Variants in MYCBP2 observed in about 807,000 individuals in gnomAD.
MYCBP2 encodes MYC binding protein 2.
In MYCBP2, 120 loss-of-function variants were observed where a neutral mutation model predicts 525.3. The observed-to-expected ratio is 0.23, with a 90% CI of 0.20 to 0.27. MYCBP2 has a LOEUF of 0.27. MYCBP2 is among the 10% of genes least tolerant of loss of function. The pLI is 1.00. For synonymous variants in MYCBP2, 1,894 were observed against 1,955.8 expected, an observed-to-expected ratio of 0.97 and a Z score of 0.83; for missense variants, 4,149 against 5,657.1, an observed-to-expected ratio of 0.73 and a Z score of 8.55.
intron 3 of MYCBP2, among the ~76,000 whole-genome samples, chr13:77,284,536 T>A (rs1241497484): frequency 1.3e-5 from 2 of 152,220 alleles, no homozygotes; most frequent in Non-Finnish European, 2.9e-5. Context: ...CCACCCATAG[T>A]ATCTGCTTGC....
At chr13:77,280,617 C>G (rs866433709) in intron 3 of MYCBP2, among the ~76,000 whole-genome samples, 1 of 152,212 alleles carries the variant, frequency 6.6e-6, no homozygotes, top group Non-Finnish European at 1.5e-5. Context: ...CAGTTTCCTA[C>G]GGTGACAACG....
chr13:77,137,606 T>C (rs909725529), intron 52 of MYCBP2, among the ~76,000 whole-genome samples: 7 of 152,074 alleles, frequency 4.6e-5, no homozygotes, highest in Admixed American at 2.6e-4. Flanking sequence ...GTGTTTTTTT[T>C]GAGACAGAGA....
intron 22 of MYCBP2, among the ~76,000 whole-genome samples, chr13:77,211,692 G>A (rs1361527922): frequency 6.6e-6 from 1 of 152,044 alleles, no homozygotes; most frequent in East Asian, 1.9e-4. Flanking sequence ...ACTCTAATAT[G>A]GATTTTATCC....
intron 5 of MYCBP2, among the ~76,000 whole-genome samples, chr13:77,272,072 G>A (rs1050937807): frequency 8.5e-5 from 13 of 152,298 alleles, no homozygotes; most frequent in African/African-American, 3.1e-4. Context: ...TCTAGTGATT[G>A]AGCATAAATA....
intron 20 of MYCBP2, among the ~76,000 whole-genome samples, chr13:77,223,403 T>C (rs1390437503): frequency 1.3e-5 from 2 of 152,210 alleles, no homozygotes; most frequent in African/African-American, 2.4e-5. Flanking sequence ...ATGTATCTAA[T>C]AAATTCTTTG....
At position 77,267,801 on chromosome 13, in the gene MYCBP2, A is replaced by G. The variant is rs763175198; in HGVS notation, c.1357+40T>C. Reference sequence around the variant, plus strand: ...AAATAGCTTAACATGCACATTTCTTAAAATTGCTTGTGGAGAAAAAATGAC... The same window carrying G: ...AAATAGCTTAACATGCACATTTCTTGAAATTGCTTGTGGAGAAAAAATGAC... On this transcript the variant is annotated intron_variant, in intron 8 of 82. Coordinates refer to ENST00000544440, the MANE Select transcript of MYCBP2 (RefSeq NM_015057.5). 8 of 1,455,128 alleles carry G rather than the reference A, an allele frequency of 5.5e-6. No individual in the cohort carries two copies. The South Asian group carries it at 9.1e-5, about 17-fold the overall frequency. 90.1% of individuals were successfully genotyped at this position (1,455,128 alleles called of 1,614,324 possible).
At chr13:77,146,836 G>C (rs1197081612) in intron 47 of MYCBP2, among the ~76,000 whole-genome samples, 1 of 152,106 alleles carries the variant, frequency 6.6e-6, no homozygotes. Flanking sequence ...GTGAGTTTTG[G>C]CAATACTTAA....
intron 38 of MYCBP2, among the ~76,000 whole-genome samples, chr13:77,171,288 G>C (rs1438630816): frequency 1.3e-5 from 2 of 152,098 alleles, no homozygotes; most frequent in African/African-American, 4.8e-5. Flanking sequence ...AGAATATATG[G>C]TAACTCCTTT....
At position 77,171,644 on chromosome 13, in the gene MYCBP2, G is replaced by A. The variant is rs1410074384; in HGVS notation, c.5652-10C>T. 2.5e-6 allele frequency: 4 copies of A among 1,612,508 alleles called. No homozygotes were observed. The highest frequency in any genetic ancestry group is 1.3e-5 in the African/African-American group (1 of 74,858). On this transcript the variant is annotated splice_polypyrimidine_tract_variant and intron_variant, in intron 37 of 82. Coordinates refer to ENST00000544440, the MANE Select transcript of MYCBP2 (RefSeq NM_015057.5). ...TCCATCAAATTCACTCCTGTAGCAT[G>A]AGCAAACATGAGATTATTTTACAAT...
intron 61 of MYCBP2, 78 bp downstream of exon 61, chr13:77,088,754 A>G: frequency 7.8e-7 from 1 of 1,277,872 alleles, no homozygotes; most frequent in South Asian, 1.4e-5. Context: ...CTGTTGGTAA[A>G]AAAGTGGCAT....
chr13:77,214,583 A>G (rs2064531177), intron 21 of MYCBP2, among the ~76,000 whole-genome samples: 1 of 152,220 alleles, frequency 6.6e-6, no homozygotes, highest in African/African-American at 2.4e-5. Context: ...GGAAATATAT[A>G]TATTTATGTA....
chr13:77,129,087 A>C, intron 52 of MYCBP2: 1 of 396,236 alleles, frequency 2.5e-6, no homozygotes, highest in Non-Finnish European at 4.5e-6. Flanking sequence ...AAGGTTTTAA[A>C]GACACAAAAT....
At chr13:77,162,987 T>C (rs2058119779) in intron 43 of MYCBP2, among the ~76,000 whole-genome samples, 2 of 152,198 alleles carry the variant, frequency 1.3e-5, no homozygotes, top group Admixed American at 1.3e-4. Context: ...AATGGGACCT[T>C]CTTCTGCAAC....
chr13:77,245,907 C>T (rs1437022331), intron 15 of MYCBP2, among the ~76,000 whole-genome samples: 3 of 151,746 alleles, frequency 2.0e-5, no homozygotes, highest in African/African-American at 4.8e-5. Flanking sequence ...TCTCCTTCCC[C>T]CTCTCTTCTT....
At chr13:77,100,879 T>C (rs2046966280) in intron 55 of MYCBP2, among the ~76,000 whole-genome samples, 1 of 152,038 alleles carries the variant, frequency 6.6e-6, no homozygotes, top group Admixed American at 6.6e-5. Context: ...CTATCAATGC[T>C]GTCTTGGGAG....
intron 58 of MYCBP2, 124 bp from the exon 59 acceptor site, chr13:77,093,456 T>C: frequency 2.6e-6 from 2 of 769,392 alleles, no homozygotes; most frequent in Non-Finnish European, 4.1e-6. Flanking sequence ...AGCATTAAAA[T>C]AATCGTAGAT....
Position 77,058,209 on chromosome 13 carries a change from T to C in MYCBP2, c.13329+9A>G. ...TGGATACATTCAATACTTTAAAAGC[T>C]GAGGCAACCTGAATGGCTGGTGCTG... On this transcript the variant is annotated intron_variant, in intron 78 of 82. Transcript: ENST00000544440. The surrounding 1 kb of genome is among the most constrained non-coding windows in gnomAD (Gnocchi z 4.1). 1 of 1,611,964 alleles carries C rather than the reference T, an allele frequency of 6.2e-7. No individual in the cohort carries two copies.
chr13:77,070,756 C>A, intron 68 of MYCBP2, 45 bp from the exon 69 acceptor site: 1 of 1,276,482 alleles, frequency 7.8e-7, no homozygotes, highest in African/African-American at 1.5e-5. Context: ...GAAGTGGTCT[C>A]TTTAAATAAA....
chr13:77,219,717 T>C (rs1194358638), intron 20 of MYCBP2, among the ~76,000 whole-genome samples: 1 of 151,976 alleles, frequency 6.6e-6, no homozygotes, highest in African/African-American at 2.4e-5. Context: ...GCAATGTACA[T>C]GGAGATCCTA....
Sources: allele counts gnomAD v4.1 joint callset (sites outside exome capture counted in the v4.1 genomes callset), GRCh38; gene constraint gnomAD v4.1.1; non-coding constraint Gnocchi (gnomAD v3.1); transcripts MANE v1.5; gene names NCBI Gene and HGNC (gene_info 2026-07-23, HGNC 2026-07-21).